Variants in PTPRD observed in about 807,000 individuals in gnomAD.
The protein encoded by PTPRD is receptor-type tyrosine-protein phosphatase delta.
PTPRD carries 34 observed loss-of-function variants against 214.5 expected under a neutral mutation model. That is an observed-to-expected ratio of 0.16 (90% confidence interval 0.12 to 0.21). The LOEUF (loss-of-function observed/expected upper bound fraction) is 0.21, where lower values mean the gene tolerates loss of function less well. Among genes scored for constraint, PTPRD ranks in the 10% least tolerant of loss-of-function variants. PTPRD has a pLI of 1.00. For synonymous variants in PTPRD, 1,128 were observed against 845.7 expected, an observed-to-expected ratio of 1.33 and a Z score of -5.79; for missense variants, 2,545 against 2,398.7, an observed-to-expected ratio of 1.06 and a Z score of -1.27.
At chr9:10,089,373 G>C (rs1399331697) in intron 3 of PTPRD, among the ~76,000 whole-genome samples, 1 of 151,472 alleles carries the variant, frequency 6.6e-6, no homozygotes, top group African/African-American at 2.4e-5. Context: ...ATATGGAATA[G>C]ACTTATTTTG....
chr9:9,557,238 G>C (rs914185444), intron 8 of PTPRD, among the ~76,000 whole-genome samples: 1 of 152,114 alleles, frequency 6.6e-6, no homozygotes, highest in African/African-American at 2.4e-5. Flanking sequence ...GGGGGGAAGG[G>C]TGTCCAGACA....
chr9:8,703,689 G>A (rs1277441740), intron 12 of PTPRD, among the ~76,000 whole-genome samples: 4 of 152,144 alleles, frequency 2.6e-5, no homozygotes. Flanking sequence ...CTACGGCATT[G>A]TTATTCTCTT....
intron 5 of PTPRD, among the ~76,000 whole-genome samples, chr9:9,876,519 A>G (rs7854281): frequency 0.076 from 11,543 of 152,212 alleles, 1,415 homozygotes; most frequent in African/African-American, 0.26. Context: ...AACAAAGCAC[A>G]CATGATGTGA....
rs184321491 is a variant in PTPRD at position 9,365,742 on chromosome 9, G to T, written c.-203+31707C>A. On this transcript the variant is annotated intron_variant, in intron 9 of 45. Transcript: ENST00000381196. ...TTTGCCTCCTTCCTTGTGTGCTGTC[G>T]ACCTACAGCATAACCCAGTCTCTCT... is the stretch of plus-strand genomic sequence containing the variant. Among the ~76,000 whole-genome samples, 3 of 151,422 alleles carry T rather than the reference G, an allele frequency of 2.0e-5. No homozygotes were observed. The Admixed American group carries it at 2.0e-4, about 10-fold the overall frequency.
chr9:8,910,347 A>C (rs912548490), intron 11 of PTPRD, among the ~76,000 whole-genome samples: 3 of 152,012 alleles, frequency 2.0e-5, no homozygotes, highest in African/African-American at 7.3e-5. Context: ...TTTATGTAGA[A>C]ATTTAATCCC....
chr9:10,030,395 G>A (rs1231687715), intron 4 of PTPRD, among the ~76,000 whole-genome samples: 2 of 152,186 alleles, frequency 1.3e-5, no homozygotes, highest in Non-Finnish European at 2.9e-5. Context: ...AAGGTAAGCA[G>A]CTAATGTGCT....
chr9:8,967,435 C>T (rs1346393290), intron 11 of PTPRD, among the ~76,000 whole-genome samples: 1 of 152,090 alleles, frequency 6.6e-6, no homozygotes, highest in Non-Finnish European at 1.5e-5. Flanking sequence ...GCCCCATTAA[C>T]AGTGGGCTGG....
At chr9:9,200,037 A>C (rs939628938) in intron 9 of PTPRD, among the ~76,000 whole-genome samples, 1 of 152,202 alleles carries the variant, frequency 6.6e-6, no homozygotes, top group South Asian at 2.1e-4. Context: ...AATGTTAATC[A>C]AATCAAAGGG....
intron 2 of PTPRD, among the ~76,000 whole-genome samples, chr9:10,417,843 A>C (rs896872435): frequency 2.0e-5 from 3 of 151,840 alleles, no homozygotes; most frequent in African/African-American, 4.8e-5. Context: ...TGCATATTCA[A>C]ATCTTCCATT....
intron 2 of PTPRD, among the ~76,000 whole-genome samples, chr9:10,569,686 G>A (rs36055957): frequency 0.033 from 5,005 of 151,952 alleles, 128 homozygotes; most frequent in East Asian, 0.099. Context: ...TTAATTTTCT[G>A]TTAGATTCAA....
At chr9:8,358,812 G>GA (rs979958970) in intron 39 of PTPRD, among the ~76,000 whole-genome samples, 66 of 149,582 alleles carry the variant, frequency 4.4e-4, no homozygotes, top group Admixed American at 8.0e-4. Context: ...ATCCTCTCAG[G>GA]AAAAAAAAAT....
intron 3 of PTPRD, among the ~76,000 whole-genome samples, chr9:10,114,110 T>C (rs1408971070): frequency 1.3e-5 from 2 of 152,194 alleles, no homozygotes; most frequent in Non-Finnish European, 2.9e-5. Context: ...ACATGGAACA[T>C]GCTGTGGAAA....
chr9:9,224,638 G>A (rs1177907358), intron 9 of PTPRD, among the ~76,000 whole-genome samples: 2 of 151,848 alleles, frequency 1.3e-5, no homozygotes, highest in Non-Finnish European at 2.9e-5. Flanking sequence ...ATATCTTTAT[G>A]ACTTACAACA....
intron 9 of PTPRD, among the ~76,000 whole-genome samples, chr9:9,243,594 T>C (rs1017793772): frequency 3.3e-5 from 5 of 152,144 alleles, no homozygotes; most frequent in African/African-American, 1.2e-4. Context: ...TCAACAATCT[T>C]CATGCTAAAA....
chr9:9,965,175 A>G (rs956467046), intron 4 of PTPRD, among the ~76,000 whole-genome samples: 1 of 152,184 alleles, frequency 6.6e-6, no homozygotes, highest in Non-Finnish European at 1.5e-5. Flanking sequence ...TTGCAAGAAT[A>G]TTAGTTCTGG....
intron 9 of PTPRD, among the ~76,000 whole-genome samples, chr9:9,369,192 C>T (rs2058732981): frequency 6.6e-6 from 1 of 151,540 alleles, no homozygotes; most frequent in African/African-American, 2.4e-5. Context: ...TCCAAGTCTT[C>T]CACAATGGTT....
At chr9:9,604,713 G>A (rs531799359) in intron 7 of PTPRD, among the ~76,000 whole-genome samples, 1 of 151,964 alleles carries the variant, frequency 6.6e-6, no homozygotes, top group Admixed American at 6.6e-5. Flanking sequence ...ATGTATGGGT[G>A]GCAAATTTAA....
intron 9 of PTPRD, among the ~76,000 whole-genome samples, chr9:9,234,233 C>G (rs1483832499): frequency 2.0e-5 from 3 of 152,202 alleles, no homozygotes; most frequent in African/African-American, 7.2e-5. Context: ...AGGCTTGGGA[C>G]TTGCATCATC....
intron 6 of PTPRD, among the ~76,000 whole-genome samples, chr9:9,742,654 C>A (rs1156607466): frequency 6.6e-6 from 1 of 151,946 alleles, no homozygotes; most frequent in East Asian, 1.9e-4. Context: ...AAAAACCTGG[C>A]AGATTTACAA....
Sources: allele counts gnomAD v4.1 joint callset (sites outside exome capture counted in the v4.1 genomes callset), GRCh38; gene constraint gnomAD v4.1.1; transcripts MANE v1.5; gene names NCBI Gene and HGNC (gene_info 2026-07-23, HGNC 2026-07-21).